Variants in PTPRD observed in about 807,000 individuals in gnomAD.
PTPRD encodes receptor-type tyrosine-protein phosphatase delta.
PTPRD carries 34 observed loss-of-function variants against 214.5 expected under a neutral mutation model. That is an observed-to-expected ratio of 0.16 (90% confidence interval 0.12 to 0.21). PTPRD has a LOEUF of 0.21. Ranked by LOEUF, PTPRD falls within the 10% of genes least tolerant of loss-of-function variation. The pLI is 1.00. For missense variants in PTPRD, 2,545 were observed against 2,398.7 expected (o/e 1.06, Z -1.27); for synonymous variants, 1,128 against 845.7 (o/e 1.33, Z -5.79).
intron 11 of PTPRD, among the ~76,000 whole-genome samples, chr9:8,788,856 G>A (rs1380280969): frequency 6.6e-6 from 1 of 152,126 alleles, no homozygotes; most frequent in Non-Finnish European, 1.5e-5. Flanking sequence ...GGAAGTTCAT[G>A]GAAATTTAAT....
At chr9:10,600,087 T>C (rs115027495) in intron 2 of PTPRD, among the ~76,000 whole-genome samples, 1 of 151,808 alleles carries the variant, frequency 6.6e-6, no homozygotes, top group Non-Finnish European at 1.5e-5. Context: ...TGTAATTGTA[T>C]TACTTACTTT....
At chr9:9,412,129 T>C (rs1447135868) in intron 8 of PTPRD, among the ~76,000 whole-genome samples, 1 of 152,236 alleles carries the variant, frequency 6.6e-6, no homozygotes, top group South Asian at 2.1e-4. Context: ...AAATCATATA[T>C]AGCACTTTTT....
At position 8,451,804 on chromosome 9, in the gene PTPRD, T is replaced by C; in HGVS notation, c.3876-1967A>G. The C allele has an allele frequency of 7.0e-6, 3 of 430,582 alleles. 1 individual carries two copies. The highest frequency in any genetic ancestry group is 5.2e-5 in the South Asian group (3 of 57,950). The allele number at this position is 430,582 out of a possible 1,614,324, so 26.7% of individuals were successfully genotyped here. A position where few individuals can be genotyped will look rare whatever the true frequency, so the allele number is the denominator to read the frequency against. Reference sequence around the variant, plus strand: ...GCCCAACGACTAAAATTTGGATTTTTCTCCCTTCCCATTGTGGCTCTGCCA... The same window carrying C: ...GCCCAACGACTAAAATTTGGATTTTCCTCCCTTCCCATTGTGGCTCTGCCA... On this transcript the variant is annotated intron_variant, in intron 33 of 45. Transcript: ENST00000381196.
intron 10 of PTPRD, among the ~76,000 whole-genome samples, chr9:9,068,871 A>G (rs1235094551): frequency 6.6e-6 from 1 of 152,056 alleles, no homozygotes; most frequent in Non-Finnish European, 1.5e-5. Context: ...TGACCCCCCA[A>G]AGTATTTGGA....
chr9:9,541,995 A>T (rs1476961421), intron 8 of PTPRD, among the ~76,000 whole-genome samples: 2 of 151,792 alleles, frequency 1.3e-5, no homozygotes, highest in Admixed American at 1.3e-4. Context: ...ATTCAAGATA[A>T]GAGGAGAGGT....
intron 3 of PTPRD, among the ~76,000 whole-genome samples, chr9:10,116,963 C>G (rs2098735343): frequency 6.6e-6 from 1 of 152,112 alleles, no homozygotes; most frequent in Non-Finnish European, 1.5e-5. Context: ...TAGATCTATG[C>G]TAAGTATTTT....
At chr9:10,252,582 A>G (rs2154370163) in intron 3 of PTPRD, among the ~76,000 whole-genome samples, 1 of 152,146 alleles carries the variant, frequency 6.6e-6, no homozygotes, top group South Asian at 2.1e-4. Context: ...ATTATATATT[A>G]TGTATTAATG....
chr9:9,505,250 T>A (rs1355307027), intron 8 of PTPRD, among the ~76,000 whole-genome samples: 1 of 151,656 alleles, frequency 6.6e-6, no homozygotes, highest in Non-Finnish European at 1.5e-5. Context: ...CCGACTCTCT[T>A]AGATTAAATA....
At chr9:10,232,443 T>C (rs76970378) in intron 3 of PTPRD, among the ~76,000 whole-genome samples, 2,207 of 152,068 alleles carry the variant, frequency 0.015, 54 homozygotes, top group African/African-American at 0.05. Context: ...GCTCTTGAGA[T>C]ACCTAAGGAA....
At chr9:9,019,104 T>G (rs2099549005) in intron 10 of PTPRD, among the ~76,000 whole-genome samples, 1 of 152,058 alleles carries the variant, frequency 6.6e-6, no homozygotes, top group Admixed American at 6.6e-5. Context: ...CTATGAAGAA[T>G]TCTTACAAAA....
At chr9:9,587,971 T>C (rs1001752503) in intron 7 of PTPRD, among the ~76,000 whole-genome samples, 1 of 151,994 alleles carries the variant, frequency 6.6e-6, no homozygotes, top group African/African-American at 2.4e-5. Context: ...AACAGTATTT[T>C]GTATACTTCA....
chr9:9,716,156 C>T (rs1045379210), intron 7 of PTPRD, among the ~76,000 whole-genome samples: 1 of 152,134 alleles, frequency 6.6e-6, no homozygotes, highest in Non-Finnish European at 1.5e-5. Flanking sequence ...TTCCAATTTC[C>T]TCCAAGTCCC....
chr9:9,297,644 G>A (rs915363487), intron 9 of PTPRD, among the ~76,000 whole-genome samples: 2 of 151,730 alleles, frequency 1.3e-5, no homozygotes, highest in African/African-American at 4.8e-5. Context: ...ATTACTAACT[G>A]TAAACCACTA....
At chr9:9,822,267 T>G (rs2051027877) in intron 5 of PTPRD, among the ~76,000 whole-genome samples, 1 of 151,056 alleles carries the variant, frequency 6.6e-6, no homozygotes, top group African/African-American at 2.4e-5. Flanking sequence ...AAAAGTTAGC[T>G]GGGCATGGTG....
In PTPRD at chr9:10,601,655, T is replaced by G. The variant is rs528471636; in HGVS notation, c.-600+10743A>C. On this transcript the variant is annotated intron_variant, in intron 2 of 45. Transcript: ENST00000381196. ...CTTTGTAAAAATAAAGGAAATAAAATTATATTATTGCTGATGTGTTAAATA... is the reference window on the plus strand; with the variant it reads ...CTTTGTAAAAATAAAGGAAATAAAAGTATATTATTGCTGATGTGTTAAATA... Among the ~76,000 whole-genome samples the G allele has an allele frequency of 1.8e-3, 271 of 151,896 alleles. 1 individual carries two copies. The highest frequency in any genetic ancestry group is 6.4e-3 in the African/African-American group (265 of 41,510).
intron 2 of PTPRD, among the ~76,000 whole-genome samples, chr9:10,597,319 T>C (rs1430731678): frequency 6.6e-6 from 1 of 151,764 alleles, no homozygotes; most frequent in Non-Finnish European, 1.5e-5. Flanking sequence ...CTCAATATTT[T>C]ATTTGATTTT....
chr9:8,540,951 T>G (rs1476319369), intron 14 of PTPRD, among the ~76,000 whole-genome samples: 1 of 152,172 alleles, frequency 6.6e-6, no homozygotes, highest in South Asian at 2.1e-4. Flanking sequence ...AGGAGAAAAT[T>G]GATTCTGAAA....
chr9:9,890,566 C>T (rs929596639), intron 5 of PTPRD, among the ~76,000 whole-genome samples: 4 of 152,118 alleles, frequency 2.6e-5, no homozygotes, highest in South Asian at 2.1e-4. Flanking sequence ...ATTGGCTCCT[C>T]ATTTACATAA....
chr9:8,399,268 T>A (rs4146133), intron 36 of PTPRD, among the ~76,000 whole-genome samples: 138,559 of 152,160 alleles, frequency 0.91, 63,115 homozygotes, highest in Middle Eastern at 0.96. Flanking sequence ...AACGAAAGAC[T>A]CTAAGTCATA....
Sources: gnomAD v4.1 joint callset for allele counts (sites outside exome capture counted in the v4.1 genomes callset) on GRCh38, gnomAD v4.1.1 for gene constraint, MANE v1.5 for transcripts, NCBI Gene and HGNC (gene_info 2026-07-23, HGNC 2026-07-21) for gene names.